RYR3: variants seen among roughly 807,000 people sequenced by gnomAD.
The protein encoded by RYR3 is brain ryanodine receptor-calcium release channel.
Under a neutral mutation model 584.3 loss-of-function variants are expected in RYR3, and 207 were observed. The ratio of observed to expected loss-of-function variants is 0.35; its 90% confidence interval spans 0.32 to 0.40. The LOEUF (loss-of-function observed/expected upper bound fraction) is 0.40, where lower values mean the gene tolerates loss of function less well. RYR3 is among the 10% of genes least tolerant of loss of function. The pLI is 1.00. For synonymous variants in RYR3, 2,416 were observed against 2,248.5 expected (o/e 1.07, Z -2.11); for missense variants, 5,616 against 6,089.2 (o/e 0.92, Z 2.59).
intron 2 of RYR3, among the ~76,000 whole-genome samples, chr15:33,493,918 A>AAAT (rs200233894): frequency 3.9e-5 from 6 of 152,112 alleles, no homozygotes; most frequent in Non-Finnish European, 4.4e-5. Flanking sequence ...CCTTGTCTCA[A>AAAT]AATAATAATG....
chr15:33,361,611 A>AG (rs951996976), intron 1 of RYR3, among the ~76,000 whole-genome samples: 18 of 152,206 alleles, frequency 1.2e-4, no homozygotes, highest in Admixed American at 7.2e-4. Flanking sequence ...AGTGTAAAAT[A>AG]GGGGCTAAAT....
At position 33,704,494 on chromosome 15, in the gene RYR3, C is replaced by A. The variant is rs145902371; in HGVS notation, c.6484-2425C>A. On this transcript the variant is annotated intron_variant, in intron 42 of 103. Coordinates refer to ENST00000634891, the MANE Select transcript of RYR3 (RefSeq NM_001036.6). ...CTGCATACACACAAGACTCAAGCAC[C>A]ATGCCACCTGTCGTGAGAGCTTCCA... Among the ~76,000 whole-genome samples, 126 of 152,282 alleles carry A rather than the reference C, an allele frequency of 8.3e-4. 1 individual carries two copies. In the East Asian group the frequency reaches 0.019, roughly 23 times the overall value.
At chr15:33,396,787 G>T (rs941807663) in intron 1 of RYR3, among the ~76,000 whole-genome samples, 2 of 152,172 alleles carry the variant, frequency 1.3e-5, no homozygotes, top group Non-Finnish European at 2.9e-5. Flanking sequence ...AAGTGACCCA[G>T]GTCTAGGGAG....
At position 33,553,056 on chromosome 15, in the gene RYR3, G is replaced by A. The variant is rs373438569; in HGVS notation, c.972+2740G>A. ...GTGGCAAATGGTAGCCTGAGATAGCGGTTCAGGATCTGTGTGGTGGCATAG... is the reference window on the plus strand; with the variant it reads ...GTGGCAAATGGTAGCCTGAGATAGCAGTTCAGGATCTGTGTGGTGGCATAG... On this transcript the variant is annotated intron_variant, in intron 10 of 103. Coordinates refer to ENST00000634891, the MANE Select transcript of RYR3 (RefSeq NM_001036.6). Among the ~76,000 whole-genome samples the A allele has an allele frequency of 5.3e-5, 8 of 152,102 alleles. No homozygotes were observed. In the East Asian group the frequency reaches 9.7e-4, roughly 18 times the overall value.
chr15:33,681,406 G>A (rs2064601681), intron 38 of RYR3, among the ~76,000 whole-genome samples: 1 of 152,178 alleles, frequency 6.6e-6, no homozygotes, highest in South Asian at 2.1e-4. Flanking sequence ...GGACTTTCTA[G>A]GGGAGAATAT....
intron 1 of RYR3, among the ~76,000 whole-genome samples, chr15:33,380,000 A>T (rs567358297): frequency 6.6e-6 from 1 of 152,136 alleles, no homozygotes. Flanking sequence ...AAACCAGAAG[A>T]TTCAGCAAGC....
chr15:33,582,176 T>C (rs952029468), intron 14 of RYR3, among the ~76,000 whole-genome samples: 6 of 152,188 alleles, frequency 3.9e-5, no homozygotes, highest in Non-Finnish European at 5.9e-5. Context: ...TGATGCCTGC[T>C]ACAACAGGTT....
chr15:33,589,036 C>G (rs1375570041), intron 16 of RYR3, among the ~76,000 whole-genome samples: 4 of 152,178 alleles, frequency 2.6e-5, no homozygotes, highest in African/African-American at 9.6e-5. Flanking sequence ...AATCTCCATA[C>G]TGTTATCCAT....
chr15:33,359,728 C>T (rs894847090), intron 1 of RYR3, among the ~76,000 whole-genome samples: 1 of 152,050 alleles, frequency 6.6e-6, no homozygotes, highest in Non-Finnish European at 1.5e-5. Flanking sequence ...ACGCCATTCT[C>T]CTGCCTCAGC....
Position 33,635,652 on chromosome 15 carries a change from C to A in RYR3, c.3214C>A (p.Arg1072=), listed in dbSNP as rs764599185. Reference sequence around the variant, plus strand: ...GGAGAAGGTCAGCATAGACAAGATCCGATTTTTCCGGGTAGAGCGATCTTA... The same window carrying A: ...GGAGAAGGTCAGCATAGACAAGATCAGATTTTTCCGGGTAGAGCGATCTTA... ...AVEKVSIDKI[R]FFRVERSYAV... The change falls in exon 26 of 104, where the codon CGA becomes AGA. Residue 1072 remains arginine, a synonymous_variant. Coordinates refer to ENST00000634891, the MANE Select transcript of RYR3 (RefSeq NM_001036.6). The A allele has an allele frequency of 6.2e-7, 1 of 1,613,908 alleles. No individual in the cohort carries two copies. Among genetic ancestry groups the A allele is most frequent in the African/African-American group, 1.3e-5 (1 of 75,028 alleles).
chr15:33,698,650 G>C (rs2066037875), intron 40 of RYR3, among the ~76,000 whole-genome samples: 1 of 151,962 alleles, frequency 6.6e-6, no homozygotes, highest in African/African-American at 2.4e-5. Flanking sequence ...GATGATTTCT[G>C]GTGCAGTTTC....
chr15:33,860,090 G>A (rs1392284853), intron 100 of RYR3, among the ~76,000 whole-genome samples: 5 of 151,700 alleles, frequency 3.3e-5, no homozygotes, highest in Admixed American at 2.0e-4. Context: ...GCTGGACAGT[G>A]CAGGGGAGGG....
intron 101 of RYR3, 56 bp downstream of exon 101, chr15:33,860,715 T>C (rs180760122): frequency 1.0e-4 from 130 of 1,287,492 alleles, no homozygotes; most frequent in Middle Eastern, 1.8e-4. Context: ...CAGAAGCAAA[T>C]AGATTTTTTA....
intron 18 of RYR3, among the ~76,000 whole-genome samples, chr15:33,605,580 G>A (rs915413342): frequency 6.6e-6 from 1 of 152,164 alleles, no homozygotes; most frequent in Non-Finnish European, 1.5e-5. Flanking sequence ...AGCATCTGAT[G>A]AGACATGGAG....
intron 41 of RYR3, among the ~76,000 whole-genome samples, chr15:33,700,455 GTTT>G (rs2152772571): frequency 1.3e-5 from 2 of 152,350 alleles, no homozygotes; most frequent in South Asian, 4.1e-4. Context: ...AGTTTCACGG[GTTT>G]TTATTTCTCA....
At chr15:33,722,370 A>C (rs2067999951) in intron 43 of RYR3, 1 of 272,848 alleles carries the variant, frequency 3.7e-6, no homozygotes. Context: ...TCCTGAGCCG[A>C]AGAGTAAAAA....
Position 33,669,851 on chromosome 15 carries a change from G to A in RYR3, c.5722+395G>A, listed in dbSNP as rs1312832930. On this transcript the variant is annotated intron_variant, in intron 37 of 103. Transcript: ENST00000634891. Reference sequence around the variant, plus strand: ...TTAGGGGTGTGTGTGTGTGGGGGGGGGGGGGGGTGTGGGTGTGTGGGTGTG... The same window carrying A: ...TTAGGGGTGTGTGTGTGTGGGGGGGAGGGGGGGTGTGGGTGTGTGGGTGTG... Among the ~76,000 whole-genome samples, 3 of 47,044 alleles carry A rather than the reference G, an allele frequency of 6.4e-5. 1 individual carries two copies. The highest frequency in any genetic ancestry group is 1.8e-4 in the African/African-American group (3 of 16,546). 30.9% of individuals were successfully genotyped at this position (47,044 alleles called of 152,430 possible). A position where few individuals can be genotyped will look rare whatever the true frequency, so the allele number is the denominator to read the frequency against.
intron 16 of RYR3, among the ~76,000 whole-genome samples, chr15:33,600,580 G>A (rs1409702920): frequency 6.6e-6 from 1 of 152,112 alleles, no homozygotes; most frequent in Non-Finnish European, 1.5e-5. Flanking sequence ...TGCCTAGGAA[G>A]TGGGAATAAG....
intron 1 of RYR3, among the ~76,000 whole-genome samples, chr15:33,446,083 A>G (rs1362996907): frequency 6.6e-6 from 1 of 152,160 alleles, no homozygotes; most frequent in East Asian, 1.9e-4. Context: ...TCCACACTTG[A>G]TAATTACTTT....
Sources: gnomAD v4.1 joint callset for allele counts (sites outside exome capture counted in the v4.1 genomes callset) on GRCh38, gnomAD v4.1.1 for gene constraint, MANE v1.5 for transcripts, NCBI Gene and HGNC (gene_info 2026-07-23, HGNC 2026-07-21) for gene names.